CCSER2: variants seen among roughly 807,000 people sequenced by gnomAD.
The protein encoded by CCSER2 is coiled-coil serine rich protein 2.
In CCSER2, 46 loss-of-function variants were observed where a neutral mutation model predicts 92.3. The observed-to-expected ratio is 0.50, with a 90% CI of 0.39 to 0.64. The LOEUF (loss-of-function observed/expected upper bound fraction) is 0.64. Ranked by LOEUF, CCSER2 falls within the 30% of genes least tolerant of loss-of-function variation. The pLI is 0.00. For synonymous variants in CCSER2, 433 were observed against 431.4 expected (o/e 1.00, Z -0.04); for missense variants, 1,244 against 1,238.9 (o/e 1.00, Z -0.06).
At chr10:84,344,633 A>G (rs1447524599) in intron 1 of CCSER2, among the ~76,000 whole-genome samples, 2 of 152,228 alleles carry the variant, frequency 1.3e-5, no homozygotes, top group Admixed American at 1.3e-4. Flanking sequence ...AAAGAAAGGA[A>G]GAATGCTTTG....
intron 7 of CCSER2, among the ~76,000 whole-genome samples, chr10:84,467,240 T>C (rs994207121): frequency 6.6e-6 from 1 of 152,224 alleles, no homozygotes; most frequent in Admixed American, 6.5e-5. Flanking sequence ...CAACATTTTT[T>C]CCTGTAGGTT....
chr10:84,342,188 C>T lies in CCSER2; in HGVS notation c.-40+13380C>T, dbSNP rs543148248. 4.6e-5 allele frequency among the ~76,000 whole-genome samples: 7 copies of T among 152,234 alleles called. No individual in the cohort carries two copies. The South Asian group carries it at 1.5e-3, about 32-fold the overall frequency. On this transcript the variant is annotated intron_variant, in intron 1 of 9. Coordinates refer to ENST00000372088, the MANE Select transcript of CCSER2 (RefSeq NM_001284240.2). ...CTCCCCAGCTAGCAGTCCTCATTAG[C>T]ATACAAAAGACACTCATCACTCTGG...
At chr10:84,341,536 A>G (rs1434277570) in intron 1 of CCSER2, among the ~76,000 whole-genome samples, 1 of 151,896 alleles carries the variant, frequency 6.6e-6, no homozygotes, top group Non-Finnish European at 1.5e-5. Flanking sequence ...GCTGGACACC[A>G]AGCAATTCTG....
intron 6 of CCSER2, among the ~76,000 whole-genome samples, chr10:84,458,306 G>A (rs1254391551): frequency 6.6e-6 from 1 of 152,132 alleles, no homozygotes; most frequent in East Asian, 1.9e-4. Flanking sequence ...TATTGTTTCT[G>A]TAGTGTTTTG....
intron 5 of CCSER2, 150 bp from the exon 6 acceptor site, chr10:84,438,362 C>A: frequency 2.0e-6 from 1 of 503,912 alleles, no homozygotes; most frequent in East Asian, 3.0e-5. Context: ...TTTGTGGAAA[C>A]ACATCAGTGA....
intron 9 of CCSER2, among the ~76,000 whole-genome samples, chr10:84,489,560 C>T (rs1848021323): frequency 6.6e-6 from 1 of 152,050 alleles, no homozygotes; most frequent in African/African-American, 2.4e-5. Flanking sequence ...AGGATTGCAA[C>T]CCCTAACTTT....
chr10:84,364,094 G>A (rs529206003), intron 1 of CCSER2, among the ~76,000 whole-genome samples: 48 of 152,162 alleles, frequency 3.2e-4, no homozygotes, highest in African/African-American at 1.1e-3. Context: ...GAAAAAAATG[G>A]TATACCAGTA....
At chr10:84,502,003 T>C (rs1431932661) in intron 9 of CCSER2, among the ~76,000 whole-genome samples, 1 of 148,524 alleles carries the variant, frequency 6.7e-6, no homozygotes, top group Middle Eastern at 3.2e-3. Context: ...TCACAGCCTT[T>C]TAATAACTAT....
chr10:84,332,425 TATATATA>T (rs1843614514), intron 1 of CCSER2, among the ~76,000 whole-genome samples: 1 of 83,148 alleles, frequency 1.2e-5, no homozygotes, highest in Non-Finnish European at 2.2e-5. Flanking sequence ...TATATATATA[TATATATA>T]TATATTTTTT....
At chr10:84,413,333 A>T (rs116021845) in intron 3 of CCSER2, among the ~76,000 whole-genome samples, 2,265 of 152,130 alleles carry the variant, frequency 0.015, 55 homozygotes, top group African/African-American at 0.051. Context: ...CATCCCAGAG[A>T]TGGTGGTATG....
rs1223344101 is a variant in CCSER2, at chr10:84,371,547, G to A, written c.495G>A (p.Ser165=). The A allele has an allele frequency of 5.6e-6, 9 of 1,613,564 alleles. No homozygotes were observed. The highest frequency in any genetic ancestry group is 1.7e-5 in the Admixed American group (1 of 59,942). The part of the protein sequence containing the change: ...GTLLGRTSYS[S]INTPKSQLNG... Reference sequence around the variant, plus strand: ...TATTAGGAAGGACTTCATATTCTTCGATCAATACTCCAAAATCACAGTTGA... The same window carrying A: ...TATTAGGAAGGACTTCATATTCTTCAATCAATACTCCAAAATCACAGTTGA... The change falls in exon 2 of 10, where the codon TCG becomes TCA. Residue 165 remains serine (S), a synonymous_variant. Coordinates refer to ENST00000372088, the MANE Select transcript of CCSER2 (RefSeq NM_001284240.2).
chr10:84,371,412 C>T lies in CCSER2; in HGVS notation c.360C>T (p.Phe120=). Residue 120 remains phenylalanine (F), a synonymous_variant, in exon 2 of 10, where the codon TTC becomes TTT. Transcript: ENST00000372088. ...GAGGTTTGAAAAGTGTTTCTTTATTCACATCAAAGTTAGCAAAGCCATCCA... is the reference window on the plus strand; with the variant it reads ...GAGGTTTGAAAAGTGTTTCTTTATTTACATCAAAGTTAGCAAAGCCATCCA... ...IKGGLKSVSL[F]TSKLAKPSTM... 6.2e-7 allele frequency: 1 copy of T among 1,613,340 alleles called. No individual in the cohort carries two copies. Among genetic ancestry groups the T allele is most frequent in the Non-Finnish European group, 8.5e-7 (1 of 1,179,654 alleles).
intron 1 of CCSER2, among the ~76,000 whole-genome samples, chr10:84,352,221 T>C (rs1206970469): frequency 6.6e-6 from 1 of 152,124 alleles, no homozygotes; most frequent in Admixed American, 6.5e-5. Context: ...GGAGAATTGC[T>C]TGAACTCAGG....
intron 6 of CCSER2, among the ~76,000 whole-genome samples, chr10:84,443,171 T>A (rs1320321799): frequency 6.6e-6 from 1 of 152,004 alleles, no homozygotes; most frequent in Non-Finnish European, 1.5e-5. Flanking sequence ...CTAAAGAACT[T>A]CTGCACAGCA....
intron 9 of CCSER2, among the ~76,000 whole-genome samples, chr10:84,482,920 A>G (rs1049356114): frequency 6.6e-6 from 1 of 152,184 alleles, no homozygotes; most frequent in African/African-American, 2.4e-5. Context: ...TTTCTCTCAT[A>G]TTTTTAAGAA....
At position 84,438,764 on chromosome 10, in the gene CCSER2, C is replaced by T. The variant is rs951445769; in HGVS notation, c.2064+57C>T. The T allele has an allele frequency of 8.8e-6, 10 of 1,131,574 alleles. No homozygotes were observed. In the African/African-American group the frequency reaches 1.6e-4, roughly 18 times the overall value. The allele number at this position is 1,131,574 out of a possible 1,614,324, so 70.1% of individuals were successfully genotyped here. A position where few individuals can be genotyped will look rare whatever the true frequency, so the allele number is the denominator to read the frequency against. Reference sequence around the variant, plus strand: ...TATTTTGAATTGCAAAATGGATTGACTTTAGTTTTTTTTAAAAAAATACTT... The same window carrying T: ...TATTTTGAATTGCAAAATGGATTGATTTTAGTTTTTTTTAAAAAAATACTT... On this transcript the variant is annotated intron_variant, in intron 6 of 9. Coordinates refer to ENST00000372088, the MANE Select transcript of CCSER2 (RefSeq NM_001284240.2).
In CCSER2 at chr10:84,438,661, C is replaced by G. The variant is rs779996902; in HGVS notation, c.2018C>G (p.Thr673Ser). 6.2e-7 allele frequency: 1 copy of G among 1,612,634 alleles called. No individual in the cohort carries two copies. Among genetic ancestry groups the G allele is most frequent in the Non-Finnish European group, 8.5e-7 (1 of 1,179,346 alleles). ...CTTCGGCACATGGTTCAGGATTGCACTGCTGTAAAAACTCAGTTACTCAAA... is the reference window on the plus strand; with the variant it reads ...CTTCGGCACATGGTTCAGGATTGCAGTGCTGTAAAAACTCAGTTACTCAAA... ...MTLRHMVQDC[T>S]AVKTQLLKLK... The change falls in exon 6 of 10, where the codon ACT (threonine) becomes AGT (serine). Residue 673 changes from threonine to serine, a missense_variant. Physicochemically the swap from Thr to Ser is moderately conservative, Grantham distance 58 (BLOSUM62 1). Coordinates refer to ENST00000372088, the MANE Select transcript of CCSER2 (RefSeq NM_001284240.2).
intron 9 of CCSER2, among the ~76,000 whole-genome samples, chr10:84,512,272 C>CA (rs935562879): frequency 2.0e-5 from 3 of 151,358 alleles, no homozygotes; most frequent in African/African-American, 4.9e-5. Context: ...ATTAGCATAG[C>CA]AAAAAAAACT....
intron 1 of CCSER2, among the ~76,000 whole-genome samples, chr10:84,330,705 A>G (rs1022320408): frequency 3.3e-5 from 5 of 152,040 alleles, no homozygotes; most frequent in Non-Finnish European, 5.9e-5. Context: ...GACGGGTTTC[A>G]GTATGTTGGC....
Sources: gnomAD v4.1 joint callset for allele counts (sites outside exome capture counted in the v4.1 genomes callset) on GRCh38, gnomAD v4.1.1 for gene constraint, MANE v1.5 for transcripts, NCBI Gene and HGNC (gene_info 2026-07-23, HGNC 2026-07-21) for gene names.